Variants in TTLL11 observed in about 807,000 individuals in gnomAD.
TTLL11 encodes tubulin polyglutamylase TTLL11.
Under a neutral mutation model 51.7 loss-of-function variants are expected in TTLL11, and 42 were observed. The observed-to-expected ratio is 0.81, with a 90% CI of 0.64 to 1.05. TTLL11 has a LOEUF of 1.05. TTLL11 is among the 50% of genes least tolerant of loss of function. The pLI, the probability that TTLL11 is intolerant of heterozygous loss-of-function variation, is 0.00. For synonymous variants in TTLL11, 381 were observed against 383.5 expected (o/e 0.99, Z 0.08); for missense variants, 799 against 940.4 (o/e 0.85, Z 1.97).
At chr9:122,080,699 C>CA (rs970908238) in intron 1 of TTLL11, among the ~76,000 whole-genome samples, 26 of 142,274 alleles carry the variant, frequency 1.8e-4, no homozygotes, top group South Asian at 9.0e-4. Context: ...TCTCTAAAGA[C>CA]AAAAAAAAAG....
At chr9:121,854,200 T>C (rs10114063) in intron 8 of TTLL11, among the ~76,000 whole-genome samples, 1,741 of 152,228 alleles carry the variant, frequency 0.011, 34 homozygotes, top group African/African-American at 0.04. Context: ...TTTGGGTATA[T>C]AGCAAGTCAA....
At chr9:122,052,076 G>C (rs1845177468) in intron 1 of TTLL11, among the ~76,000 whole-genome samples, 3 of 152,158 alleles carry the variant, frequency 2.0e-5, no homozygotes, top group African/African-American at 7.2e-5. Context: ...GAAAATACTG[G>C]TGGAAATTGA....
At chr9:121,880,899 G>C (rs1264617130) in intron 6 of TTLL11, among the ~76,000 whole-genome samples, 1 of 152,170 alleles carries the variant, frequency 6.6e-6, no homozygotes, top group Non-Finnish European at 1.5e-5. Flanking sequence ...GAACCTGGGT[G>C]GTCTGTCTCC....
At chr9:121,930,556 G>T (rs1840925388) in intron 6 of TTLL11, among the ~76,000 whole-genome samples, 1 of 152,244 alleles carries the variant, frequency 6.6e-6, no homozygotes, top group African/African-American at 2.4e-5. Context: ...ACCTGAGAAT[G>T]CTCGTCCTCC....
chr9:122,034,127 C>CA (rs1375756132), intron 2 of TTLL11, among the ~76,000 whole-genome samples: 1 of 152,176 alleles, frequency 6.6e-6, no homozygotes, highest in Non-Finnish European at 1.5e-5. Context: ...GCCTCCTGAC[C>CA]AAATAGTGTT....
At chr9:121,912,167 C>T (rs1043038576) in intron 6 of TTLL11, among the ~76,000 whole-genome samples, 5 of 152,154 alleles carry the variant, frequency 3.3e-5, no homozygotes, top group East Asian at 1.9e-4. Context: ...GGGCCTGGGC[C>T]GCTCATCTAC....
At chr9:121,990,617 T>C (rs1843085496) in intron 3 of TTLL11, among the ~76,000 whole-genome samples, 1 of 152,196 alleles carries the variant, frequency 6.6e-6, no homozygotes, top group South Asian at 2.1e-4. Context: ...TGTGTCGTTG[T>C]AAGGATGAAA....
At chr9:121,899,545 A>G (rs1050605247) in intron 6 of TTLL11, among the ~76,000 whole-genome samples, 1 of 151,900 alleles carries the variant, frequency 6.6e-6, no homozygotes, top group Non-Finnish European at 1.5e-5. Flanking sequence ...TTGGGACTAC[A>G]GGTGCACCAC....
At chr9:122,079,687 C>T (rs1016010901) in intron 1 of TTLL11, among the ~76,000 whole-genome samples, 18 of 150,584 alleles carry the variant, frequency 1.2e-4, no homozygotes, top group African/African-American at 3.2e-4. Context: ...CCAGCCTGGG[C>T]GACAGAGCAA....
At chr9:122,025,422 C>A (rs761960948) in intron 3 of TTLL11, among the ~76,000 whole-genome samples, 13 of 152,160 alleles carry the variant, frequency 8.5e-5, no homozygotes, top group Admixed American at 2.6e-4. Flanking sequence ...CGCTTGAGCT[C>A]AGGAGTTCAA....
chr9:121,857,439 C>T (rs1358123485), intron 8 of TTLL11, among the ~76,000 whole-genome samples: 1 of 152,152 alleles, frequency 6.6e-6, no homozygotes, highest in Non-Finnish European at 1.5e-5. Context: ...GGAGTTTAGA[C>T]AAGTCACTTT....
At chr9:121,978,903 T>C (rs1451751107) in intron 4 of TTLL11, among the ~76,000 whole-genome samples, 2 of 152,304 alleles carry the variant, frequency 1.3e-5, no homozygotes, top group East Asian at 3.9e-4. Flanking sequence ...ACTCACTCTG[T>C]GGTCAACTGT....
At chr9:121,973,047 T>C (rs908664628) in intron 6 of TTLL11, among the ~76,000 whole-genome samples, 4 of 152,260 alleles carry the variant, frequency 2.6e-5, no homozygotes, top group African/African-American at 9.6e-5. Flanking sequence ...TTGATTTTTC[T>C]TCCTGAAACA....
intron 8 of TTLL11, among the ~76,000 whole-genome samples, chr9:121,828,246 C>T (rs1483831354): frequency 7.0e-6 from 1 of 142,182 alleles, no homozygotes; most frequent in Non-Finnish European, 1.5e-5. Flanking sequence ...GATCTCGGCT[C>T]ATTGCAACCT....
At chr9:121,892,206 A>G (rs1347166828) in intron 6 of TTLL11, among the ~76,000 whole-genome samples, 1 of 148,468 alleles carries the variant, frequency 6.7e-6, no homozygotes, top group Non-Finnish European at 1.5e-5. Context: ...ACATATATAC[A>G]TATATACATA....
chr9:121,989,059 C>A lies in TTLL11; in HGVS notation c.1269+136G>T, dbSNP rs1051351690. The A allele has an allele frequency of 3.3e-6, 5 of 1,509,528 alleles. No homozygotes were observed. In the Admixed American group the frequency reaches 1.1e-4, roughly 34 times the overall value. The allele number at this position is 1,509,528 out of a possible 1,614,324, so 93.5% of individuals were successfully genotyped here. A position where few individuals can be genotyped will look rare whatever the true frequency, so the allele number is the denominator to read the frequency against. On this transcript the variant is annotated intron_variant, in intron 4 of 8. Transcript: ENST00000321582. This position sits in a 1 kb window ranked among gnomAD's most constrained non-coding sequence, Gnocchi z 4.2. ...TTGGAAGTTGGGCCCAGGTTTAACA[C>A]CCAAGCCCACAGCACCACCAACACT...
intron 3 of TTLL11, among the ~76,000 whole-genome samples, chr9:122,029,582 C>T (rs773820798): frequency 8.5e-5 from 13 of 152,122 alleles, no homozygotes; most frequent in Non-Finnish European, 1.8e-4. Flanking sequence ...TTTTTTTGTA[C>T]AGCTGTACAG....
Position 121,953,654 on chromosome 9 carries a change from AG to A in TTLL11, c.1481+20354del, listed in dbSNP as rs532792866. Among the ~76,000 whole-genome samples, 585 of 67,132 alleles carry A rather than the reference AG, an allele frequency of 8.7e-3. 6 individuals are homozygous for A. Among genetic ancestry groups the A allele is most frequent in the African/African-American group, 0.03 (546 of 18,440 alleles). 44.0% of individuals were successfully genotyped at this position (67,132 alleles called of 152,430 possible). On this transcript the variant is annotated intron_variant, in intron 6 of 8. Coordinates refer to ENST00000321582, the MANE Select transcript of TTLL11 (RefSeq NM_001139442.2). ...CCTCAAAAAAAAAAAAAAAAAAAAA[AG>A]AAGAAGATTAACCAAAGCATTTCCC...
chr9:121,985,741 C>T (rs1050341281), intron 4 of TTLL11, among the ~76,000 whole-genome samples: 5 of 151,944 alleles, frequency 3.3e-5, no homozygotes, highest in East Asian at 3.9e-4. Context: ...AGGATGGACT[C>T]GATCTCCTGA....
Sources: allele counts gnomAD v4.1 joint callset (sites outside exome capture counted in the v4.1 genomes callset), GRCh38; gene constraint gnomAD v4.1.1; non-coding constraint Gnocchi (gnomAD v3.1); transcripts MANE v1.5; gene names NCBI Gene and HGNC (gene_info 2026-07-23, HGNC 2026-07-21).